The following PTPRN2 variants were observed in gnomAD, a reference collection of about 807,000 sequenced individuals.
The protein encoded by PTPRN2 is protein tyrosine phosphatase receptor type N2, also known as receptor-type tyrosine-protein phosphatase N2.
A neutral mutation model predicts 118.8 loss-of-function variants in PTPRN2; 74 were observed. The ratio of observed to expected loss-of-function variants is 0.62; its 90% confidence interval spans 0.52 to 0.76. The LOEUF (loss-of-function observed/expected upper bound fraction) is 0.76. PTPRN2 is among the 30% of genes least tolerant of loss of function. The probability of loss-of-function intolerance (pLI) is 0.00; values close to 1 mark genes in which losing one functional copy is unlikely to be tolerated. For missense variants in PTPRN2, 1,481 were observed against 1,394.4 expected, an observed-to-expected ratio of 1.06 and a Z score of -0.99; for synonymous variants, 641 against 608.0, an observed-to-expected ratio of 1.05 and a Z score of -0.80.
chr7:158,245,929 A>G (rs1796219841), intron 3 of PTPRN2, among the ~76,000 whole-genome samples: 1 of 151,998 alleles, frequency 6.6e-6, no homozygotes, highest in African/African-American at 2.4e-5. Flanking sequence ...TCGCAGGCAC[A>G]CTGGAAAGCT....
At chr7:158,385,364 G>C (rs1033378425) in intron 2 of PTPRN2, among the ~76,000 whole-genome samples, 2 of 152,308 alleles carry the variant, frequency 1.3e-5, no homozygotes, top group Middle Eastern at 3.4e-3. Flanking sequence ...TTCAGATTTT[G>C]AAAGGATTTG....
At chr7:157,996,293 G>C (rs1804725798) in intron 11 of PTPRN2, among the ~76,000 whole-genome samples, 1 of 152,242 alleles carries the variant, frequency 6.6e-6, no homozygotes, top group Admixed American at 6.5e-5. Flanking sequence ...TGGGAAGGGA[G>C]AGGAGGGTGA....
At chr7:158,277,890 G>A (rs370486843) in intron 3 of PTPRN2, among the ~76,000 whole-genome samples, 15 of 152,246 alleles carry the variant, frequency 9.9e-5, no homozygotes, top group South Asian at 4.1e-4. Flanking sequence ...TCACGGCTGC[G>A]GCAGAGTCTA....
intron 2 of PTPRN2, among the ~76,000 whole-genome samples, chr7:158,397,564 G>T (rs117101921): frequency 6.6e-6 from 1 of 152,148 alleles, no homozygotes; most frequent in Non-Finnish European, 1.5e-5. Context: ...TCAAAATAGG[G>T]ACAGCACAGG....
intron 2 of PTPRN2, among the ~76,000 whole-genome samples, chr7:158,429,452 A>C (rs1014029066): frequency 2.2e-4 from 34 of 152,116 alleles, no homozygotes; most frequent in African/African-American, 7.7e-4. Flanking sequence ...CTCCACCACC[A>C]TCTCTGCCTC....
At chr7:158,270,354 C>T (rs1024057755) in intron 3 of PTPRN2, among the ~76,000 whole-genome samples, 3 of 152,128 alleles carry the variant, frequency 2.0e-5, no homozygotes, top group Non-Finnish European at 2.9e-5. Flanking sequence ...ACTGGGAGCA[C>T]AGGCATGGTT....
intron 12 of PTPRN2, among the ~76,000 whole-genome samples, chr7:157,896,622 C>T (rs1193990214): frequency 1.5e-5 from 2 of 129,130 alleles, no homozygotes; most frequent in African/African-American, 3.0e-5. Flanking sequence ...GGTGCTGTCC[C>T]CCAGGCTCAC....
intron 6 of PTPRN2, among the ~76,000 whole-genome samples, chr7:158,163,070 G>C (rs983922835): frequency 6.6e-6 from 1 of 152,194 alleles, no homozygotes; most frequent in African/African-American, 2.4e-5. Flanking sequence ...GAAATCATTC[G>C]ATGTCTGGAT....
intron 2 of PTPRN2, among the ~76,000 whole-genome samples, chr7:158,329,786 G>C (rs1387828091): frequency 6.6e-6 from 1 of 152,116 alleles, no homozygotes; most frequent in African/African-American, 2.4e-5. Context: ...CGCAACCCAA[G>C]ATCTGTCCAC....
At chr7:157,887,511 T>G (rs1584953968) in intron 12 of PTPRN2, among the ~76,000 whole-genome samples, 1 of 4,526 alleles carries the variant, frequency 2.2e-4, no homozygotes. Context: ...CAGTACCCAC[T>G]CCCCCCAGTA....
chr7:158,144,738 G>C (rs962029307), intron 6 of PTPRN2, among the ~76,000 whole-genome samples: 7 of 152,370 alleles, frequency 4.6e-5, no homozygotes, highest in African/African-American at 1.7e-4. Context: ...ACCACCCCGA[G>C]GGAAGAGGCT....
chr7:157,875,254 G>A (rs921423132), intron 12 of PTPRN2, among the ~76,000 whole-genome samples: 25 of 152,212 alleles, frequency 1.6e-4, no homozygotes, highest in African/African-American at 5.5e-4. Flanking sequence ...GTGCTGTCCT[G>A]GAAGTCTCCT....
chr7:157,864,967 G>C (rs1398228872), intron 12 of PTPRN2: 1 of 152,262 alleles, frequency 6.6e-6, no homozygotes, highest in Admixed American at 6.5e-5. Flanking sequence ...GTGGGGTCGT[G>C]GTAGGACCTG....
intron 1 of PTPRN2, among the ~76,000 whole-genome samples, chr7:158,518,565 G>T (rs1823741233): frequency 6.6e-6 from 1 of 152,134 alleles, no homozygotes; most frequent in Non-Finnish European, 1.5e-5. Flanking sequence ...ATCAACAGAG[G>T]ATATAAACAG....
intron 1 of PTPRN2, among the ~76,000 whole-genome samples, chr7:158,490,636 G>A (rs553685329): frequency 1.3e-5 from 2 of 152,378 alleles, no homozygotes; most frequent in South Asian, 4.1e-4. Context: ...GAGGGCCCCA[G>A]GGCCACTAGG....
In PTPRN2 at chr7:158,366,067, G is replaced by A. The variant is rs371183675; in HGVS notation, c.164-49135C>T. Among the ~76,000 whole-genome samples the A allele has an allele frequency of 1.9e-4, 26 of 133,928 alleles. No individual in the cohort carries two copies. The South Asian group carries it at 2.4e-3, about 12-fold the overall frequency. 87.9% of individuals were successfully genotyped at this position (133,928 alleles called of 152,430 possible). A position where few individuals can be genotyped will look rare whatever the true frequency, so the allele number is the denominator to read the frequency against. On this transcript the variant is annotated intron_variant, in intron 2 of 22. Transcript: ENST00000389418. ...CCCTAGAAGCTGCAGCCCAATGCAC[G>A]CGTGCACACACACACGCACACACAC...
rs540962672 is a variant in PTPRN2 at position 157,595,400 on chromosome 7, A to G, written c.2419-85T>C. The G allele has an allele frequency of 2.3e-4, 292 of 1,252,864 alleles. No homozygotes were observed. In the African/African-American group the frequency reaches 3.9e-3, roughly 17 times the overall value. 77.6% of individuals were successfully genotyped at this position (1,252,864 alleles called of 1,614,324 possible). A position where few individuals can be genotyped will look rare whatever the true frequency, so the allele number is the denominator to read the frequency against. On this transcript the variant is annotated intron_variant, in intron 16 of 22. Coordinates refer to ENST00000389418, the MANE Select transcript of PTPRN2 (RefSeq NM_002847.5). The stretch of plus-strand genomic sequence containing the variant: ...GGAAGCCTGGAGGTTAGGAAGCCAG[A>G]AGGTTAGGAAACCCGGAGGTTAGGA...
chr7:158,288,460 G>A (rs1370226582), intron 3 of PTPRN2, among the ~76,000 whole-genome samples: 3 of 151,954 alleles, frequency 2.0e-5, no homozygotes, highest in African/African-American at 7.3e-5. Context: ...ATCTACTAAG[G>A]TTTTTGCTTT....
intron 5 of PTPRN2, among the ~76,000 whole-genome samples, chr7:158,171,234 TATATACAC>T (rs1204087161): frequency 4.4e-5 from 6 of 136,234 alleles, no homozygotes; most frequent in African/African-American, 1.2e-4. Context: ...TACACACATA[TATATACAC>T]ATATATACAC....
Sources: gnomAD v4.1 joint callset for allele counts (sites outside exome capture counted in the v4.1 genomes callset) on GRCh38, gnomAD v4.1.1 for gene constraint, MANE v1.5 for transcripts, NCBI Gene and HGNC (gene_info 2026-07-23, HGNC 2026-07-21) for gene names.